The following SYNE1 variants were observed in gnomAD, a reference collection of about 807,000 sequenced individuals.
The protein encoded by SYNE1 is spectrin repeat containing nuclear envelope protein 1.
In SYNE1, 616 loss-of-function variants were observed where a neutral mutation model predicts 1,111.0. The observed-to-expected ratio is 0.55, with a 90% CI of 0.52 to 0.59. SYNE1 has a LOEUF of 0.59. Ranked by LOEUF, SYNE1 falls within the 20% of genes least tolerant of loss-of-function variation. The pLI, the probability that SYNE1 is intolerant of heterozygous loss-of-function variation, is 0.00. For synonymous variants in SYNE1, 3,855 were observed against 3,825.8 expected (o/e 1.01, Z -0.28); for missense variants, 10,006 against 10,417.0 (o/e 0.96, Z 1.72).
rs552462414 is a variant in SYNE1, at chr6:152,567,189, T to C, written c.68-27168A>G. Among the ~76,000 whole-genome samples, 3 of 152,288 alleles carry C rather than the reference T, an allele frequency of 2.0e-5. No homozygotes were observed. In the East Asian group the frequency reaches 5.8e-4, roughly 29 times the overall value. On this transcript the variant is annotated intron_variant, in intron 3 of 145. Coordinates refer to ENST00000367255, the MANE Select transcript of SYNE1 (RefSeq NM_182961.4). ...TATTTTTCACTTAGCGCAAGTCTTC[T>C]AGGTTCATCTATGTTGTCAAAAGTC...
rs2099631021 is a variant in SYNE1 at position 152,611,441 on chromosome 6, AG to A, written c.67+16823del. On this transcript the variant is annotated intron_variant, in intron 3 of 145. Transcript: ENST00000367255. ...GTAAAGGGATCAATTCAACAAGAAG[AG>A]CTAACTATCCTAAATATATATGCAC... Among the ~76,000 whole-genome samples the A allele has an allele frequency of 2.6e-5, 4 of 152,346 alleles. No individual in the cohort carries two copies. In the South Asian group the frequency reaches 8.3e-4, roughly 32 times the overall value.
At chr6:152,436,504 T>C (rs1038626767) in intron 32 of SYNE1, among the ~76,000 whole-genome samples, 3 of 152,098 alleles carry the variant, frequency 2.0e-5, no homozygotes, top group Admixed American at 6.5e-5. Context: ...TCTCACTATG[T>C]TGCCCAAGCT....
In SYNE1 at chr6:152,310,015, A is replaced by G. The variant is rs757016824; in HGVS notation, c.17022T>C (p.His5674=). 4 of 1,613,454 alleles carry G rather than the reference A, an allele frequency of 2.5e-6. No homozygotes were observed. The highest frequency in any genetic ancestry group is 3.4e-6 in the Non-Finnish European group (4 of 1,180,004). Residue 5674 remains histidine (H), a splice_region_variant and synonymous_variant, in exon 90 of 146, where the codon CAT becomes CAC. Transcript: ENST00000367255. ...SLKEQLSHRQ[H]LLSEMESLKP... is the part of the protein sequence containing the mutation. ...TCAGTGACTCCATCTCAGACAACAAATGCTGAAAATGCAATTTCATAGTTC... is the reference window on the plus strand; with the variant it reads ...TCAGTGACTCCATCTCAGACAACAAGTGCTGAAAATGCAATTTCATAGTTC...
At chr6:152,223,571 T>C (rs1276244411) in intron 117 of SYNE1, among the ~76,000 whole-genome samples, 6 of 149,232 alleles carry the variant, frequency 4.0e-5, no homozygotes, top group African/African-American at 1.5e-4. Flanking sequence ...TGAGCCGAGA[T>C]AGCACCACTG....
At chr6:152,511,458 G>T in intron 6 of SYNE1, 1 of 917,288 alleles carries the variant, frequency 1.1e-6, no homozygotes, top group Non-Finnish European at 1.8e-6. Context: ...AAACTGCAAT[G>T]AGAAGTTTAA....
At chr6:152,363,844 C>CCTTG in intron 63 of SYNE1, 1 of 444,234 alleles carries the variant, frequency 2.3e-6, no homozygotes, top group South Asian at 1.6e-5. Context: ...GATCCCCTGC[C>CCTTG]CTTGGATGGG....
At chr6:152,281,549 AT>A (rs1336374369) in intron 97 of SYNE1, among the ~76,000 whole-genome samples, 1 of 152,192 alleles carries the variant, frequency 6.6e-6, no homozygotes, top group Non-Finnish European at 1.5e-5. Context: ...ATATTATGGT[AT>A]TTTGGTATCT....
At position 152,407,152 on chromosome 6, in the gene SYNE1, G is replaced by C; in HGVS notation, c.6585C>G (p.Ser2195Arg). Residue 2195 changes from serine to arginine, a missense_variant, in exon 45 of 146, where the codon AGC becomes AGG. Ser to Arg is a moderately radical substitution (Grantham distance 110). Coordinates refer to ENST00000367255, the MANE Select transcript of SYNE1 (RefSeq NM_182961.4). ...LEENMDRLRV[S>R]LSIWDDVLST... ...ACAGTACATCATCCCAAATGGACAG[G>C]CTTACTCTCAGCCTATCCATGTTTT... 6.2e-7 allele frequency: 1 copy of C among 1,613,952 alleles called. No homozygotes were observed. The highest frequency in any genetic ancestry group is 8.5e-7 in the Non-Finnish European group (1 of 1,179,980).
intron 131 of SYNE1, among the ~76,000 whole-genome samples, chr6:152,163,188 C>T (rs200748135): frequency 1.5e-4 from 23 of 152,038 alleles, no homozygotes; most frequent in African/African-American, 4.6e-4. Context: ...AACTGGAGTC[C>T]GATATACTTA....
intron 131 of SYNE1, among the ~76,000 whole-genome samples, chr6:152,159,752 G>A (rs542487558): frequency 6.6e-6 from 1 of 152,224 alleles, no homozygotes; most frequent in African/African-American, 2.4e-5. Context: ...TTACAGGGGT[G>A]AGCCGCCACA....
In SYNE1 at chr6:152,427,721, T is replaced by C. The variant is rs766910240; in HGVS notation, c.5072A>G (p.Lys1691Arg). The stretch of plus-strand genomic sequence containing the variant: ...TATTAACTGAAGTTCACCTTCCACT[T>C]TGACTCTGTCTGCAGAAATGTCCAT... ...PEMDISADRV[K>R]VEGELQLIQA... The change falls in exon 38 of 146, where the codon AAA becomes AGA. Residue 1691 changes from lysine to arginine, a missense_variant. Transcript: ENST00000367255. The C allele has an allele frequency of 6.2e-7, 1 of 1,614,200 alleles. No homozygotes were observed. The highest frequency in any genetic ancestry group is 8.5e-7 in the Non-Finnish European group (1 of 1,180,036).
chr6:152,518,371 G>A (rs1459048111), intron 6 of SYNE1, among the ~76,000 whole-genome samples: 1 of 151,886 alleles, frequency 6.6e-6, no homozygotes, highest in Non-Finnish European at 1.5e-5. Context: ...TCCCTCTTGG[G>A]TACCCTCCAC....
rs538128072 is a variant in SYNE1, at chr6:152,466,973, G to A, written c.1633-895C>T. ...AACCAGCTGAATTCTTGTATAGCAC[G>A]CTGATGAATGCTTAATATAGAGATG... is the stretch of plus-strand genomic sequence containing the variant. On this transcript the variant is annotated intron_variant, in intron 16 of 145. Coordinates refer to ENST00000367255, the MANE Select transcript of SYNE1 (RefSeq NM_182961.4). Among the ~76,000 whole-genome samples the A allele has an allele frequency of 6.6e-5, 10 of 152,172 alleles. No individual in the cohort carries two copies. In the East Asian group the frequency reaches 1.7e-3, roughly 26 times the overall value.
chr6:152,407,762 CTTT>C (rs34322784), intron 44 of SYNE1, among the ~76,000 whole-genome samples: 38 of 123,962 alleles, frequency 3.1e-4, no homozygotes, highest in African/African-American at 9.9e-4. Context: ...AAAGAATGTT[CTTT>C]TTTTTTTTTT....
intron 67 of SYNE1, 101 bp from the exon 68 acceptor site, chr6:152,353,845 A>G (rs2096785606): frequency 2.1e-6 from 3 of 1,462,764 alleles, no homozygotes; most frequent in African/African-American, 1.4e-5. Flanking sequence ...TAGGTTTAGA[A>G]GATGTTTATT....
intron 138 of SYNE1, among the ~76,000 whole-genome samples, chr6:152,142,289 T>C (rs561423949): frequency 1.3e-5 from 2 of 152,190 alleles, no homozygotes; most frequent in Non-Finnish European, 2.9e-5. Flanking sequence ...ATGCAGTATA[T>C]AATTTTTGGC....
intron 126 of SYNE1, among the ~76,000 whole-genome samples, chr6:152,205,259 C>CAT (rs1188578517): frequency 6.6e-6 from 1 of 152,046 alleles, no homozygotes; most frequent in Non-Finnish European, 1.5e-5. Context: ...TGATTATCAA[C>CAT]ATATACAGGA....
At position 152,486,370 on chromosome 6, in the gene SYNE1, T is replaced by C. The variant is rs140780448; in HGVS notation, c.1048-1398A>G. ...CTGATTACAGAATGTAAAGATGAAATGAAATTTTCCCTAAATTCAGATTTC... is the reference window on the plus strand; with the variant it reads ...CTGATTACAGAATGTAAAGATGAAACGAAATTTTCCCTAAATTCAGATTTC... On this transcript the variant is annotated intron_variant, in intron 12 of 145. Coordinates refer to ENST00000367255, the MANE Select transcript of SYNE1 (RefSeq NM_182961.4). Among the ~76,000 whole-genome samples the C allele has an allele frequency of 3.1e-3, 478 of 152,318 alleles. 5 individuals are homozygous for C. The highest frequency in any genetic ancestry group is 0.01 in the African/African-American group (418 of 41,574).
At chr6:152,233,657 A>T (rs2083308579) in intron 112 of SYNE1, 124 bp downstream of exon 112, 16 of 1,194,754 alleles carry the variant, frequency 1.3e-5, no homozygotes, top group Non-Finnish European at 8.4e-6. Context: ...ACAACGGGAG[A>T]GAGAAGAGGC....
Sources: allele counts gnomAD v4.1 joint callset (sites outside exome capture counted in the v4.1 genomes callset), GRCh38; gene constraint gnomAD v4.1.1; transcripts MANE v1.5; gene names NCBI Gene and HGNC (gene_info 2026-07-23, HGNC 2026-07-21).